XYLT1: variants seen among roughly 807,000 people sequenced by gnomAD.
The protein encoded by XYLT1 is xylosyltransferase 1, also known as beta-D-xylosyltransferase 1.
Under a neutral mutation model 91.3 loss-of-function variants are expected in XYLT1, and 36 were observed. That is an observed-to-expected ratio of 0.39 (90% CI 0.30 to 0.52). The LOEUF (loss-of-function observed/expected upper bound fraction) is 0.52. XYLT1 is among the 20% of genes least tolerant of loss of function. The pLI is 0.68. For missense variants in XYLT1, 1,242 were observed against 1,284.5 expected, an observed-to-expected ratio of 0.97 and a Z score of 0.51; for synonymous variants, 588 against 532.0, an observed-to-expected ratio of 1.11 and a Z score of -1.45.
intron 3 of XYLT1, among the ~76,000 whole-genome samples, chr16:17,238,506 A>T (rs1356096341): frequency 6.6e-6 from 1 of 152,208 alleles, no homozygotes; most frequent in East Asian, 1.9e-4. Context: ...TGGGCGTGGT[A>T]GTGTTTTTAC....
chr16:17,153,327 G>A (rs1375170301), intron 6 of XYLT1, among the ~76,000 whole-genome samples: 2 of 152,202 alleles, frequency 1.3e-5, no homozygotes, highest in Non-Finnish European at 2.9e-5. Context: ...GAGTTGGCCC[G>A]TGAATCTTGA....
At chr16:17,232,770 G>A (rs1316054951) in intron 3 of XYLT1, among the ~76,000 whole-genome samples, 1 of 151,972 alleles carries the variant, frequency 6.6e-6, no homozygotes, top group Non-Finnish European at 1.5e-5. Context: ...TGATGAAGAT[G>A]GTGATGATAT....
intron 3 of XYLT1, among the ~76,000 whole-genome samples, chr16:17,246,283 G>A (rs976351829): frequency 9.2e-5 from 14 of 152,226 alleles, no homozygotes; most frequent in Admixed American, 2.6e-4. Context: ...CTACGTAGAG[G>A]TTAAGTGTTA....
At chr16:17,348,838 A>T (rs1020638369) in intron 2 of XYLT1, among the ~76,000 whole-genome samples, 1 of 152,230 alleles carries the variant, frequency 6.6e-6, no homozygotes, top group Non-Finnish European at 1.5e-5. Flanking sequence ...TAAGCTCCGC[A>T]GTATGCACAG....
chr16:17,458,463 C>T (rs900185320), intron 1 of XYLT1, among the ~76,000 whole-genome samples: 4 of 152,220 alleles, frequency 2.6e-5, no homozygotes, highest in African/African-American at 9.6e-5. Flanking sequence ...GGGGCCATTA[C>T]TTTCCATAAC....
intron 5 of XYLT1, among the ~76,000 whole-genome samples, chr16:17,192,534 T>C (rs1407628108): frequency 2.0e-5 from 3 of 152,190 alleles, no homozygotes; most frequent in Non-Finnish European, 4.4e-5. Flanking sequence ...AATAAAACCA[T>C]CATACCTTTC....
intron 1 of XYLT1, among the ~76,000 whole-genome samples, chr16:17,361,639 G>C (rs1230735856): frequency 6.6e-6 from 1 of 152,186 alleles, no homozygotes; most frequent in African/African-American, 2.4e-5. Context: ...AAGGAAATAA[G>C]TGACCATCAG....
intron 2 of XYLT1, among the ~76,000 whole-genome samples, chr16:17,314,112 A>C (rs2034590556): frequency 6.6e-6 from 1 of 152,222 alleles, no homozygotes; most frequent in African/African-American, 2.4e-5. Context: ...CTCACTAGTT[A>C]CTAGCTTTGA....
chr16:17,336,256 A>G (rs2034977735), intron 2 of XYLT1, among the ~76,000 whole-genome samples: 1 of 152,242 alleles, frequency 6.6e-6, no homozygotes, highest in Non-Finnish European at 1.5e-5. Context: ...CTGCAACAAT[A>G]GTGTTTTTGT....
Position 17,157,902 on chromosome 16 carries a change from C to T in XYLT1, c.1370+927G>A, listed in dbSNP as rs79213502. Among the ~76,000 whole-genome samples, 17 of 152,310 alleles carry T rather than the reference C, an allele frequency of 1.1e-4. No homozygotes were observed. In the East Asian group the frequency reaches 3.1e-3, roughly 28 times the overall value. On this transcript the variant is annotated intron_variant, in intron 6 of 11. Coordinates refer to ENST00000261381, the MANE Select transcript of XYLT1 (RefSeq NM_022166.4). ...TAGCTGGAATTACAGGCATGTGCCA[C>T]CACACCTGGCTAATTTTTGTATTTT...
intron 3 of XYLT1, among the ~76,000 whole-genome samples, chr16:17,222,330 C>T (rs1324121496): frequency 1.3e-5 from 2 of 152,106 alleles, no homozygotes; most frequent in African/African-American, 2.4e-5. Flanking sequence ...AGAAAGAATG[C>T]TACTGGCACC....
At chr16:17,336,243 G>A (rs2034977495) in intron 2 of XYLT1, among the ~76,000 whole-genome samples, 1 of 152,178 alleles carries the variant, frequency 6.6e-6, no homozygotes, top group Non-Finnish European at 1.5e-5. Flanking sequence ...TTCAAAGCAA[G>A]GTCTGCAACA....
intron 3 of XYLT1, among the ~76,000 whole-genome samples, chr16:17,247,772 A>G (rs1567340518): frequency 1.3e-5 from 2 of 152,190 alleles, no homozygotes; most frequent in African/African-American, 4.8e-5. Flanking sequence ...AGTCTATGAC[A>G]TTGCTGGAGG....
intron 2 of XYLT1, among the ~76,000 whole-genome samples, chr16:17,331,173 C>T (rs2034893707): frequency 6.6e-6 from 1 of 152,204 alleles, no homozygotes; most frequent in Admixed American, 6.5e-5. Context: ...AGGCAATGAC[C>T]CAACTCTGGA....
In XYLT1 at chr16:17,108,064, A is replaced by G. The variant is rs754427165; in HGVS notation, c.*631T>C. The G allele has an allele frequency of 4.6e-5, 7 of 152,790 alleles. No homozygotes were observed. The highest frequency in any genetic ancestry group is 1.0e-4 in the Non-Finnish European group (7 of 68,160). 9.5% of individuals were successfully genotyped at this position (152,790 alleles called of 1,614,324 possible). A position where few individuals can be genotyped will look rare whatever the true frequency, so the allele number is the denominator to read the frequency against. ...CCTCCATGGGAAAGGGCCCACGACCATGACTTTCAAGGCTGGCACCAGAGT... is the reference window on the plus strand; with the variant it reads ...CCTCCATGGGAAAGGGCCCACGACCGTGACTTTCAAGGCTGGCACCAGAGT... On this transcript the variant is annotated 3_prime_UTR_variant, in exon 12 of 12. Transcript: ENST00000261381.
Position 17,245,621 on chromosome 16 carries a change from A to G in XYLT1, c.913+13367T>C, listed in dbSNP as rs190601643. ...TCAATTTGTCTGATGTTCTTCCTAC[A>G]TATGTTTTAAATTACTTTATCATTG... On this transcript the variant is annotated intron_variant, in intron 3 of 11. Transcript: ENST00000261381. 1.6e-3 allele frequency among the ~76,000 whole-genome samples: 247 copies of G among 152,304 alleles called. 1 individual carries two copies. Among genetic ancestry groups the G allele is most frequent in the African/African-American group, 5.7e-3 (237 of 41,544 alleles).
intron 6 of XYLT1, among the ~76,000 whole-genome samples, chr16:17,146,725 T>A (rs953431393): frequency 6.6e-6 from 1 of 152,202 alleles, no homozygotes; most frequent in African/African-American, 2.4e-5. Flanking sequence ...CTCTCCAGCT[T>A]TGACATTCTA....
intron 1 of XYLT1, among the ~76,000 whole-genome samples, chr16:17,364,057 G>A (rs968067228): frequency 4.6e-5 from 7 of 152,154 alleles, no homozygotes; most frequent in African/African-American, 1.7e-4. Context: ...CTCAGTAAAG[G>A]CCTTATCTCC....
At chr16:17,241,178 C>T (rs2033339927) in intron 3 of XYLT1, among the ~76,000 whole-genome samples, 1 of 152,242 alleles carries the variant, frequency 6.6e-6, no homozygotes, top group African/African-American at 2.4e-5. Context: ...GGGTCCTCCC[C>T]ATAGAGCCTT....
Sources: allele counts gnomAD v4.1 joint callset (sites outside exome capture counted in the v4.1 genomes callset), GRCh38; gene constraint gnomAD v4.1.1; transcripts MANE v1.5; gene names NCBI Gene and HGNC (gene_info 2026-07-23, HGNC 2026-07-21).